USP25: variants seen among roughly 807,000 people sequenced by gnomAD.
USP25 encodes the protein ubiquitin carboxyl-terminal hydrolase 25.
Under a neutral mutation model 158.5 loss-of-function variants are expected in USP25, and 85 were observed. The ratio of observed to expected loss-of-function variants is 0.54; its 90% CI spans 0.45 to 0.64. USP25 has a LOEUF of 0.64. Ranked by LOEUF, USP25 falls within the 30% of genes least tolerant of loss-of-function variation. The pLI is 0.00. For missense variants in USP25, 1,242 were observed against 1,327.3 expected (o/e 0.94, Z 1.00); for synonymous variants, 464 against 460.4 (o/e 1.01, Z -0.10).
At chr21:15,747,452 A>T (rs2032647737) in intron 1 of USP25, among the ~76,000 whole-genome samples, 1 of 151,904 alleles carries the variant, frequency 6.6e-6, no homozygotes, top group African/African-American at 2.4e-5. Context: ...TTAATTTATA[A>T]ATTAGGCACT....
intron 12 of USP25, 124 bp downstream of exon 12, chr21:15,825,185 T>A: frequency 1.5e-6 from 1 of 656,326 alleles, no homozygotes; most frequent in Non-Finnish European, 2.5e-6. Flanking sequence ...ATTGTGTGAA[T>A]AGTTTTGAGT....
chr21:15,811,803 T>C (rs2036673270), intron 9 of USP25, among the ~76,000 whole-genome samples: 1 of 152,216 alleles, frequency 6.6e-6, no homozygotes, highest in Middle Eastern at 3.2e-3. Flanking sequence ...ACTCTTTAAA[T>C]GTAACTTCAT....
intron 2 of USP25, among the ~76,000 whole-genome samples, chr21:15,765,613 C>T (rs1490195565): frequency 6.6e-6 from 1 of 151,900 alleles, no homozygotes; most frequent in African/African-American, 2.4e-5. Context: ...CTTTTATTGT[C>T]CTTGTTTGTA....
intron 20 of USP25, among the ~76,000 whole-genome samples, chr21:15,853,664 A>G (rs2038998660): frequency 6.6e-6 from 1 of 152,150 alleles, no homozygotes; most frequent in Non-Finnish European, 1.5e-5. Flanking sequence ...TGTTTAACTC[A>G]TTAGCATTTT....
At chr21:15,871,927 G>T (rs932978773) in intron 23 of USP25, among the ~76,000 whole-genome samples, 4 of 150,352 alleles carry the variant, frequency 2.7e-5, no homozygotes, top group Non-Finnish European at 5.9e-5. Flanking sequence ...GGAGGCGGAG[G>T]TTGTGGTGAG....
At chr21:15,865,037 G>A (rs2039597209) in intron 21 of USP25, among the ~76,000 whole-genome samples, 1 of 152,042 alleles carries the variant, frequency 6.6e-6, no homozygotes, top group African/African-American at 2.4e-5. Context: ...TCTCTGGAAA[G>A]AGAAAATATT....
At chr21:15,832,614 G>A (rs925322430) in intron 16 of USP25, among the ~76,000 whole-genome samples, 1 of 152,064 alleles carries the variant, frequency 6.6e-6, no homozygotes, top group Non-Finnish European at 1.5e-5. Context: ...AGGTTAACAT[G>A]ATTATGAGTT....
At chr21:15,767,085 G>A (rs1212325115) in intron 3 of USP25, among the ~76,000 whole-genome samples, 1 of 152,028 alleles carries the variant, frequency 6.6e-6, no homozygotes, top group Non-Finnish European at 1.5e-5. Context: ...GAGAATGTTT[G>A]TAGCATATAT....
chr21:15,778,080 C>A, intron 4 of USP25, 53 bp downstream of exon 4: 6 of 1,424,154 alleles, frequency 4.2e-6, no homozygotes, highest in South Asian at 3.2e-5. Flanking sequence ...AAATAGAAAT[C>A]ATTAATTGGG....
intron 6 of USP25, among the ~76,000 whole-genome samples, chr21:15,804,892 T>A (rs1158373951): frequency 6.6e-6 from 1 of 152,146 alleles, no homozygotes; most frequent in African/African-American, 2.4e-5. Context: ...GCATTCATGC[T>A]GAAATTGTGA....
intron 6 of USP25, among the ~76,000 whole-genome samples, chr21:15,803,293 A>T (rs9975412): frequency 0.027 from 4,155 of 151,904 alleles, 198 homozygotes; most frequent in African/African-American, 0.092. Flanking sequence ...AGGAAAATAC[A>T]TTTCAAGAAA....
In USP25 at chr21:15,730,310, T is replaced by TC. The variant is rs2030656410; in HGVS notation, c.-83dup. The TC allele has an allele frequency of 9.8e-7, 1 of 1,022,934 alleles. No individual in the cohort carries two copies. The highest frequency in any genetic ancestry group is 4.4e-5 in the South Asian group (1 of 22,504). 63.4% of individuals were successfully genotyped at this position (1,022,934 alleles called of 1,614,324 possible). Reference sequence around the variant, plus strand: ...GGCCGTCCGCGCCGCTCCCTGGAGCTCGGCGGAGCGCGGCAGCCAGGGCCG... The same window carrying TC: ...GGCCGTCCGCGCCGCTCCCTGGAGCTCCGGCGGAGCGCGGCAGCCAGGGCCG... On this transcript the variant is annotated 5_prime_UTR_variant, in exon 1 of 26. Coordinates refer to ENST00000400183, the MANE Select transcript of USP25 (RefSeq NM_001283041.3).
intron 22 of USP25, among the ~76,000 whole-genome samples, chr21:15,869,383 A>C (rs975339105): frequency 4.6e-5 from 7 of 152,152 alleles, no homozygotes; most frequent in African/African-American, 1.7e-4. Context: ...TTTATCCTAC[A>C]TTGAATTTCA....
At position 15,826,297 on chromosome 21, in the gene USP25, T is replaced by G. The variant is rs2037499311; in HGVS notation, c.1398T>G (p.Thr466=). 1 of 1,614,132 alleles carries G rather than the reference T, an allele frequency of 6.2e-7. No individual in the cohort carries two copies. The highest frequency in any genetic ancestry group is 8.5e-7 in the Non-Finnish European group (1 of 1,179,976). ...LEFASSKPVC[T]SPVDDIDASS... ...TTGCCTCAAGTAAACCTGTTTGCAC[T>G]TCTCCTGTTGACGATATTGACGCTA... is the stretch of plus-strand genomic sequence containing the variant. The change falls in exon 13 of 26, where the codon ACT becomes ACG. Residue 466 remains threonine, a synonymous_variant. Coordinates refer to ENST00000400183, the MANE Select transcript of USP25 (RefSeq NM_001283041.3). The surrounding 1 kb of genome is among the most constrained non-coding windows in gnomAD (Gnocchi z 4.8).
chr21:15,807,447 G>A (rs145801269), intron 7 of USP25, among the ~76,000 whole-genome samples: 65 of 152,272 alleles, frequency 4.3e-4, no homozygotes, highest in Non-Finnish European at 7.4e-4. Flanking sequence ...AAGGACAGTC[G>A]TAACAAATTA....
intron 20 of USP25, 28 bp from the exon 21 acceptor site, chr21:15,864,240 A>G (rs1209884316): frequency 6.3e-7 from 1 of 1,588,032 alleles, no homozygotes; most frequent in Non-Finnish European, 8.5e-7. Context: ...TAATTAACCA[A>G]AATTATCATT....
chr21:15,813,087 A>G (rs2036755131), intron 9 of USP25, among the ~76,000 whole-genome samples: 1 of 143,952 alleles, frequency 6.9e-6, no homozygotes, highest in Non-Finnish European at 1.5e-5. Flanking sequence ...CTGTGTCTGT[A>G]CTGAGTACCT....
chr21:15,799,365 A>G (rs965482117), intron 5 of USP25, among the ~76,000 whole-genome samples: 3 of 151,236 alleles, frequency 2.0e-5, no homozygotes, highest in Non-Finnish European at 4.4e-5. Flanking sequence ...TGATGAGTAA[A>G]TTTATTTGTA....
chr21:15,780,479 A>C (rs2034902778), intron 4 of USP25, among the ~76,000 whole-genome samples: 1 of 152,312 alleles, frequency 6.6e-6, no homozygotes, highest in South Asian at 2.1e-4. Flanking sequence ...TCTATGGCAT[A>C]TTTCTTGTGA....
Sources: gnomAD v4.1 joint callset for allele counts (sites outside exome capture counted in the v4.1 genomes callset) on GRCh38, gnomAD v4.1.1 for gene constraint, Gnocchi (gnomAD v3.1) non-coding constraint, MANE v1.5 for transcripts, NCBI Gene and HGNC (gene_info 2026-07-23, HGNC 2026-07-21) for gene names.